The following RBM44 variants were observed in gnomAD, a reference collection of about 807,000 sequenced individuals.
RBM44 encodes the protein RNA binding motif protein 44, also known as RNA-binding protein 44.
In RBM44, 66 loss-of-function variants were observed where a neutral mutation model predicts 105.1. The observed-to-expected ratio is 0.63, with a 90% CI of 0.52 to 0.77. The LOEUF (loss-of-function observed/expected upper bound fraction) is 0.77, where lower values mean the gene tolerates loss of function less well. Among genes scored for constraint, RBM44 ranks in the 30% least tolerant of loss-of-function variants. The pLI is 0.00. For missense variants in RBM44, 1,122 were observed against 1,207.8 expected, an observed-to-expected ratio of 0.93 and a Z score of 1.05; for synonymous variants, 365 against 417.6, an observed-to-expected ratio of 0.87 and a Z score of 1.54.
intron 1 of RBM44, among the ~76,000 whole-genome samples, chr2:237,800,796 G>A (rs924440744): frequency 2.0e-5 from 3 of 147,536 alleles, no homozygotes; most frequent in African/African-American, 7.5e-5. Flanking sequence ...GCATGATCTC[G>A]GCTCACTGCA....
intron 1 of RBM44, among the ~76,000 whole-genome samples, chr2:237,800,958 A>T (rs1485735996): frequency 1.3e-5 from 2 of 152,160 alleles, no homozygotes; most frequent in Non-Finnish European, 1.5e-5. Context: ...ACCTCAAGTA[A>T]TCCACCCACC....
intron 2 of RBM44, 112 bp from the exon 3 acceptor site, chr2:237,816,881 G>A (rs1227373562): frequency 4.6e-6 from 3 of 647,724 alleles, no homozygotes; most frequent in African/African-American, 1.8e-5. Flanking sequence ...CATGGATGAT[G>A]TAAATTGTAA....
intron 15 of RBM44, among the ~76,000 whole-genome samples, chr2:237,840,086 G>A (rs2061996793): frequency 6.6e-6 from 1 of 151,530 alleles, no homozygotes; most frequent in African/African-American, 2.4e-5. Context: ...CTACTCAGGA[G>A]GCTGAAGTGA....
At chr2:237,805,855 C>T (rs936123477) in intron 1 of RBM44, among the ~76,000 whole-genome samples, 2 of 152,100 alleles carry the variant, frequency 1.3e-5, no homozygotes, top group Non-Finnish European at 2.9e-5. Flanking sequence ...GTCCCAGCTA[C>T]TCAAGGGGGT....
Position 237,841,443 on chromosome 2 carries a change from A to G in RBM44, c.*23-396A>G, listed in dbSNP as rs182137854. Among the ~76,000 whole-genome samples, 1 of 152,288 alleles carries G rather than the reference A, an allele frequency of 6.6e-6. No individual in the cohort carries two copies. The highest frequency in any genetic ancestry group is 1.5e-5 in the Non-Finnish European group (1 of 68,000). ...GTTAGACGGTAGGAGGAGGGTGAGG[A>G]TCAAAACACTACCTATCTGGTACCA... is the stretch of plus-strand genomic sequence containing the variant. On this transcript the variant is annotated intron_variant, in intron 15 of 15. Transcript: ENST00000316997. The surrounding 1 kb of genome is among the most constrained non-coding windows in gnomAD (Gnocchi z 4.5).
intron 13 of RBM44, among the ~76,000 whole-genome samples, chr2:237,833,188 CT>C (rs780048989): frequency 2.6e-5 from 4 of 152,166 alleles, no homozygotes; most frequent in Admixed American, 1.3e-4. Context: ...AATCTGTACT[CT>C]TAAGGAGCTA....
Position 237,803,954 on chromosome 2 carries a change from C to A in RBM44, c.-19+5093C>A, listed in dbSNP as rs2061573039. Among the ~76,000 whole-genome samples the A allele has an allele frequency of 6.6e-6, 1 of 151,482 alleles. No individual in the cohort carries two copies. The highest frequency in any genetic ancestry group is 2.1e-4 in the South Asian group (1 of 4,818). The stretch of plus-strand genomic sequence containing the variant: ...CCAGGCTGGGGTACAGTGGCGCAAT[C>A]TCAGCTGACTGCAACCTCTGGGGTT... On this transcript the variant is annotated intron_variant, in intron 1 of 15. Coordinates refer to ENST00000316997, the MANE Select transcript of RBM44 (RefSeq NM_001080504.3). This position sits in a 1 kb window ranked among gnomAD's most constrained non-coding sequence, Gnocchi z 4.2.
rs779343339 is a variant in RBM44, at chr2:237,820,308, G to A, written c.1870G>A (p.Asp624Asn). 1.9e-6 allele frequency: 3 copies of A among 1,599,244 alleles called. No individual in the cohort carries two copies. The South Asian group carries it at 3.4e-5, about 18-fold the overall frequency. ...HYQMCRRHCC[D>N]IYKLVMENRE... ...TCAGATGTGTCGTCGCCATTGTTGT[G>A]ATATTTACAAACTTGTCATGGAAAA... Residue 624 changes from aspartate (D) to asparagine (N), a missense_variant, in exon 5 of 16, where the codon GAT becomes AAT. Asp to Asn is a conservative substitution (Grantham distance 23, BLOSUM62 1). This residue lies in a region of RBM44 where 918 missense variants were observed against 955.3 expected (regional missense o/e 0.96). Transcript: ENST00000316997.
chr2:237,817,236 C>G lies in RBM44; in HGVS notation c.317C>G (p.Ala106Gly), dbSNP rs1322561946. ...SSELEDSTDYAFLNKTYSIPY... is the reference protein window; with the variant it reads ...SSELEDSTDYGFLNKTYSIPY... Reference sequence around the variant, plus strand: ...GAACTTGAAGACAGTACTGACTATGCTTTCTTGAATAAAACATATTCTATA... The same window carrying G: ...GAACTTGAAGACAGTACTGACTATGGTTTCTTGAATAAAACATATTCTATA... Residue 106 changes from alanine to glycine, a missense_variant, in exon 3 of 16, where the codon GCT (alanine) becomes GGT (glycine). By Grantham distance (60) the Ala-to-Gly change is moderately conservative. Transcript: ENST00000316997. 4 of 1,603,864 alleles carry G rather than the reference C, an allele frequency of 2.5e-6. No individual in the cohort carries two copies. In the East Asian group the frequency reaches 6.7e-5, roughly 27 times the overall value.
chr2:237,807,058 A>T lies in RBM44; in HGVS notation c.-18-6534A>T, dbSNP rs552816372. Among the ~76,000 whole-genome samples the T allele has an allele frequency of 4.6e-5, 7 of 152,314 alleles. No homozygotes were observed. In the South Asian group the frequency reaches 1.5e-3, roughly 32 times the overall value. ...TTAAATCAAGAGATTTCACTCTGTC[A>T]TGTAAGAACTTCATTTAAGTTTTTA... On this transcript the variant is annotated intron_variant, in intron 1 of 15. Coordinates refer to ENST00000316997, the MANE Select transcript of RBM44 (RefSeq NM_001080504.3).
At chr2:237,804,429 C>T (rs1461308876) in intron 1 of RBM44, among the ~76,000 whole-genome samples, 9 of 152,218 alleles carry the variant, frequency 5.9e-5, no homozygotes. Flanking sequence ...CCCCTTTCTC[C>T]ACAGCCTTGC....
rs1334635220 is a variant in RBM44 at position 237,841,244 on chromosome 2, A to G, written c.*23-595A>G. ...ATGGAGTACTATGCAGCCATAAAAA[A>G]GAATGAGATGATGTGCTTTGCAGCA... On this transcript the variant is annotated intron_variant, in intron 15 of 15. Transcript: ENST00000316997. The surrounding 1 kb of genome is among the most constrained non-coding windows in gnomAD (Gnocchi z 4.5). Among the ~76,000 whole-genome samples, 1 of 152,266 alleles carries G rather than the reference A, an allele frequency of 6.6e-6. No homozygotes were observed. The highest frequency in any genetic ancestry group is 1.5e-5 in the Non-Finnish European group (1 of 68,048).
Position 237,821,777 on chromosome 2 carries a change from A to G in RBM44, c.2155A>G (p.Arg719Gly), listed in dbSNP as rs1401313242. 6.2e-7 allele frequency: 1 copy of G among 1,611,200 alleles called. No homozygotes were observed. Among genetic ancestry groups the G allele is most frequent in the Non-Finnish European group, 8.5e-7 (1 of 1,178,216 alleles). Reference protein sequence around the residue: ...SEADAEQDNQRAHDVDVSSNL... With the variant: ...SEADAEQDNQGAHDVDVSSNL... ...AGCAGATGCTGAACAAGATAATCAG[A>G]GGGCTCATGATGTTGATGTTTCTTC... The change falls in exon 8 of 16, where the codon AGG becomes GGG. Residue 719 changes from arginine to glycine, a missense_variant. Transcript: ENST00000316997.
rs1017802569 is a variant in RBM44, at chr2:237,823,634, A to G, written c.2320+80A>G. On this transcript the variant is annotated intron_variant, in intron 9 of 15. Coordinates refer to ENST00000316997, the MANE Select transcript of RBM44 (RefSeq NM_001080504.3). Reference sequence around the variant, plus strand: ...AAAGTATTGGTAGTGTTTATTCATTAAATAAAAATAAATTTTCTTAATTGA... The same window carrying G: ...AAAGTATTGGTAGTGTTTATTCATTGAATAAAAATAAATTTTCTTAATTGA... 13 of 644,802 alleles carry G rather than the reference A, an allele frequency of 2.0e-5. 1 individual carries two copies. Among genetic ancestry groups the G allele is most frequent in the Admixed American group, 1.6e-4 (5 of 31,484 alleles). The allele number at this position is 644,802 out of a possible 1,614,324, so 39.9% of individuals were successfully genotyped here.
At chr2:237,824,168 T>C in intron 9 of RBM44, 123 bp from the exon 10 acceptor site, 1 of 774,972 alleles carries the variant, frequency 1.3e-6, no homozygotes, top group Non-Finnish European at 1.9e-6. Flanking sequence ...AATATTTCTC[T>C]TTAGATTTAT....
chr2:237,824,613 A>C (rs1280173647), intron 10 of RBM44, among the ~76,000 whole-genome samples, 194 bp downstream of exon 10: 1 of 152,166 alleles, frequency 6.6e-6, no homozygotes, highest in Non-Finnish European at 1.5e-5. Context: ...AAAACTGCTA[A>C]AAGCTTAAAT....
intron 13 of RBM44, among the ~76,000 whole-genome samples, chr2:237,831,791 CT>C (rs2061905636): frequency 6.6e-6 from 1 of 152,194 alleles, no homozygotes; most frequent in South Asian, 2.1e-4. Flanking sequence ...CTGTTCATCC[CT>C]TTCTTGAAAC....
At chr2:237,833,329 T>C (rs958293069) in intron 13 of RBM44, among the ~76,000 whole-genome samples, 2 of 152,206 alleles carry the variant, frequency 1.3e-5, no homozygotes, top group Non-Finnish European at 2.9e-5. Context: ...GTCCTTCCTT[T>C]GTTGAACTTT....
chr2:237,827,330 G>A lies in RBM44; in HGVS notation c.2529+1G>A, dbSNP rs1397017171. On this transcript the variant is annotated splice_donor_variant, in intron 11 of 15. Coordinates refer to ENST00000316997, the MANE Select transcript of RBM44 (RefSeq NM_001080504.3). LOFTEE classifies it high-confidence loss of function. Reference sequence around the variant, plus strand: ...TGGCCTCTGCCCTTCAGTATCTGAGGTATACCAGGATTATTTTTTTGAGCT... The same window carrying A: ...TGGCCTCTGCCCTTCAGTATCTGAGATATACCAGGATTATTTTTTTGAGCT... The A allele has an allele frequency of 3.2e-6, 5 of 1,555,356 alleles. No individual in the cohort carries two copies. The highest frequency in any genetic ancestry group is 4.4e-6 in the Non-Finnish European group (5 of 1,136,602).
Sources: allele counts gnomAD v4.1 joint callset (sites outside exome capture counted in the v4.1 genomes callset), GRCh38; gene constraint gnomAD v4.1.1; regional missense constraint gnomAD v4.1.1; non-coding constraint Gnocchi (gnomAD v3.1); transcripts MANE v1.5; gene names NCBI Gene and HGNC (gene_info 2026-07-23, HGNC 2026-07-21).